The following LYPLAL1 variants were observed in gnomAD, a reference collection of about 807,000 sequenced individuals.
LYPLAL1 encodes lysophospholipase-like protein 1.
Under a neutral mutation model 19.7 loss-of-function variants are expected in LYPLAL1, and 23 were observed. The ratio of observed to expected loss-of-function variants is 1.17; its 90% CI spans 0.84 to 1.65. The LOEUF is 1.65. Among genes scored for constraint, LYPLAL1 ranks in the 40% most tolerant of loss-of-function variants. LYPLAL1 has a pLI of 0.00. For synonymous variants in LYPLAL1, 119 were observed against 96.3 expected, an observed-to-expected ratio of 1.24 and a Z score of -1.38; for missense variants, 355 against 279.4, an observed-to-expected ratio of 1.27 and a Z score of -1.93.
chr1:219,260,145 G>T, the LYPLAL1 span, among the ~76,000 whole-genome samples: 1 of 151,868 alleles, frequency 6.6e-6, no homozygotes, highest in Non-Finnish European at 1.5e-5. Context: ...AAGTTTAAAG[G>T]TTAAGATGGA....
At chr1:219,441,464 G>A in the LYPLAL1 span, among the ~76,000 whole-genome samples, 1 of 152,156 alleles carries the variant, frequency 6.6e-6, no homozygotes, top group African/African-American at 2.4e-5. Context: ...TCCATGTGTT[G>A]ATAATTGTTT....
the LYPLAL1 span, among the ~76,000 whole-genome samples, chr1:219,320,427 CT>C: frequency 6.6e-6 from 1 of 151,914 alleles, no homozygotes; most frequent in Non-Finnish European, 1.5e-5. Context: ...CAGTAAGATC[CT>C]TTTTTAAATT....
chr1:219,289,466 T>C, the LYPLAL1 span, among the ~76,000 whole-genome samples: 2 of 152,196 alleles, frequency 1.3e-5, no homozygotes, highest in Admixed American at 1.3e-4. Flanking sequence ...ACAATCCTTG[T>C]GCCTAATGAT....
chr1:219,266,901 T>C, the LYPLAL1 span, among the ~76,000 whole-genome samples: 1 of 152,304 alleles, frequency 6.6e-6, no homozygotes, highest in African/African-American at 2.4e-5. Context: ...TTATTTCTTG[T>C]TCTCCAAATT....
the LYPLAL1 span, among the ~76,000 whole-genome samples, chr1:219,279,130 G>A: frequency 3.6e-4 from 55 of 152,236 alleles, no homozygotes; most frequent in African/African-American, 1.2e-3. Flanking sequence ...GGGCTCGTGC[G>A]TTTTTGCCTC....
At chr1:219,295,447 A>G in the LYPLAL1 span, among the ~76,000 whole-genome samples, 5 of 152,208 alleles carry the variant, frequency 3.3e-5, no homozygotes, top group Non-Finnish European at 7.3e-5. Flanking sequence ...AAAGAGAGAT[A>G]TAAGACAAAT....
the LYPLAL1 span, among the ~76,000 whole-genome samples, chr1:219,351,008 C>T: frequency 6.6e-6 from 1 of 152,048 alleles, no homozygotes; most frequent in African/African-American, 2.4e-5. Flanking sequence ...TTACAACAAA[C>T]CATAGATAGA....
At chr1:219,202,014 C>T (rs1035727598) in intron 3 of LYPLAL1, among the ~76,000 whole-genome samples, 5 of 152,184 alleles carry the variant, frequency 3.3e-5, no homozygotes, top group Non-Finnish European at 5.9e-5. Flanking sequence ...AGCTGAACTT[C>T]TCATGTATGT....
chr1:219,351,909 G>A, the LYPLAL1 span, among the ~76,000 whole-genome samples: 2 of 152,208 alleles, frequency 1.3e-5, no homozygotes, highest in South Asian at 2.1e-4. Flanking sequence ...ATGGCAAAAA[G>A]TCACCTCCAA....
At chr1:219,250,903 C>T in the LYPLAL1 span, among the ~76,000 whole-genome samples, 59 of 152,132 alleles carry the variant, frequency 3.9e-4, no homozygotes, top group Non-Finnish European at 6.3e-4. Context: ...AATGGTTGAA[C>T]GAATTTACAC....
At chr1:219,437,081 G>A in the LYPLAL1 span, 1 of 152,220 alleles carries the variant, frequency 6.6e-6, no homozygotes, top group South Asian at 2.1e-4. Context: ...AGTGGACTAG[G>A]TGTTTAGTGT....
At chr1:219,444,460 G>A in the LYPLAL1 span, among the ~76,000 whole-genome samples, 4 of 152,138 alleles carry the variant, frequency 2.6e-5, no homozygotes, top group Non-Finnish European at 4.4e-5. Flanking sequence ...CATCTAAGCT[G>A]CCTTCTTGAA....
the LYPLAL1 span, among the ~76,000 whole-genome samples, chr1:219,218,984 CCTG>C: frequency 1.3e-4 from 20 of 152,100 alleles, no homozygotes; most frequent in Admixed American, 4.6e-4. Flanking sequence ...TACTGACCTT[CCTG>C]CTTTGTCCAA....
At chr1:219,381,588 G>C in the LYPLAL1 span, among the ~76,000 whole-genome samples, 1 of 152,192 alleles carries the variant, frequency 6.6e-6, no homozygotes, top group East Asian at 1.9e-4. Context: ...GTGGGCCATA[G>C]GTGGCTTAGT....
At chr1:219,380,403 C>T in the LYPLAL1 span, among the ~76,000 whole-genome samples, 8,487 of 152,254 alleles carry the variant, frequency 0.056, 337 homozygotes, top group South Asian at 0.088. Flanking sequence ...AGTCCCCAAA[C>T]AAACATGCTC....
intron 3 of LYPLAL1, among the ~76,000 whole-genome samples, chr1:219,201,958 T>C (rs1404901365): frequency 1.3e-5 from 2 of 152,222 alleles, no homozygotes; most frequent in African/African-American, 4.8e-5. Context: ...ATCTTAGTGA[T>C]CTAGCTGAAC....
At chr1:219,340,427 A>G in the LYPLAL1 span, among the ~76,000 whole-genome samples, 1 of 152,210 alleles carries the variant, frequency 6.6e-6, no homozygotes, top group East Asian at 1.9e-4. Flanking sequence ...TTCATATCTA[A>G]TGGAAGTGGT....
chr1:219,379,103 G>A, the LYPLAL1 span, among the ~76,000 whole-genome samples: 18 of 152,140 alleles, frequency 1.2e-4, no homozygotes, highest in Admixed American at 4.6e-4. Context: ...AAGTTTAACC[G>A]TAATATTTGC....
At chr1:219,231,402 TA>T in the LYPLAL1 span, among the ~76,000 whole-genome samples, 4 of 152,232 alleles carry the variant, frequency 2.6e-5, no homozygotes, top group South Asian at 2.1e-4. Flanking sequence ...TTCTCCGGAC[TA>T]AAAATATTTG....
Sources: gnomAD v4.1 joint callset for allele counts (sites outside exome capture counted in the v4.1 genomes callset) on GRCh38, gnomAD v4.1.1 for gene constraint, MANE v1.5 for transcripts, NCBI Gene and HGNC (gene_info 2026-07-23, HGNC 2026-07-21) for gene names.